HADHA: variants seen among roughly 807,000 people sequenced by gnomAD.
HADHA encodes the protein hydroxyacyl-CoA dehydrogenase trifunctional multienzyme complex subunit alpha, also known as trifunctional enzyme subunit alpha, mitochondrial.
In HADHA, 59 loss-of-function variants were observed where a neutral mutation model predicts 91.3. The observed-to-expected ratio is 0.65, with a 90% CI of 0.52 to 0.80. The LOEUF is 0.80. Among genes scored for constraint, HADHA ranks in the 30% least tolerant of loss-of-function variants. The pLI is 0.00. For missense variants in HADHA, 800 were observed against 927.6 expected (o/e 0.86, Z 1.79); for synonymous variants, 320 against 338.9 (o/e 0.94, Z 0.61).
intron 7 of HADHA, among the ~76,000 whole-genome samples, chr2:26,216,487 A>T (rs1336688809): frequency 6.6e-6 from 1 of 151,590 alleles, no homozygotes; most frequent in Non-Finnish European, 1.5e-5. Flanking sequence ...TGCCCAGCTA[A>T]ATTTTCTATT....
At chr2:26,228,338 T>C (rs916045037) in intron 7 of HADHA, among the ~76,000 whole-genome samples, 3 of 151,834 alleles carry the variant, frequency 2.0e-5, no homozygotes, top group Non-Finnish European at 4.4e-5. Context: ...GCCATGTTGG[T>C]CAGGCTGGTG....
intron 13 of HADHA, 39 bp downstream of exon 13, chr2:26,201,110 C>T (rs1669820984): frequency 1.4e-6 from 2 of 1,476,674 alleles, no homozygotes; most frequent in East Asian, 2.3e-5. Context: ...GTTTTCTGTT[C>T]ACTACACTAG....
At chr2:26,237,503 T>C (rs1275388391) in intron 3 of HADHA, among the ~76,000 whole-genome samples, 1 of 152,070 alleles carries the variant, frequency 6.6e-6, no homozygotes, top group African/African-American at 2.4e-5. Flanking sequence ...AGCACACGCC[T>C]ATAGTCCCAG....
At chr2:26,243,263 T>G (rs1466364900) in intron 1 of HADHA, 3 of 152,208 alleles carry the variant, frequency 2.0e-5, no homozygotes, top group East Asian at 3.9e-4. Flanking sequence ...TTCAAACCAA[T>G]GCAGGGGTAA....
chr2:26,214,391 C>G lies in HADHA; in HGVS notation c.918+52G>C. On this transcript the variant is annotated intron_variant, in intron 9 of 19. Coordinates refer to ENST00000380649, the MANE Select transcript of HADHA (RefSeq NM_000182.5). The surrounding 1 kb of genome is among the most constrained non-coding windows in gnomAD (Gnocchi z 4.1). ...CAGAATGGCAATAAGGAGGAGTGATCTATATAAAGGAAGGAAATATGAGAA... is the reference window on the plus strand; with the variant it reads ...CAGAATGGCAATAAGGAGGAGTGATGTATATAAAGGAAGGAAATATGAGAA... 1 of 869,060 alleles carries G rather than the reference C, an allele frequency of 1.2e-6. No homozygotes were observed. Among genetic ancestry groups the G allele is most frequent in the Non-Finnish European group, 2.0e-6 (1 of 500,772 alleles). The allele number at this position is 869,060 out of a possible 1,614,324, so 53.8% of individuals were successfully genotyped here.
At chr2:26,211,494 T>C (rs1670099982) in intron 10 of HADHA, among the ~76,000 whole-genome samples, 1 of 152,272 alleles carries the variant, frequency 6.6e-6, no homozygotes, top group African/African-American at 2.4e-5. Context: ...ATGTGAAAAA[T>C]TATTAAAAAT....
intron 10 of HADHA, chr2:26,212,241 C>T: frequency 2.8e-6 from 1 of 360,416 alleles, no homozygotes; most frequent in Non-Finnish European, 5.4e-6. Context: ...TGCATGCCAC[C>T]ATGCCTGGCT....
At position 26,232,284 on chromosome 2, in the gene HADHA, G is replaced by A. The variant is rs1042817291; in HGVS notation, c.454-5C>T. 6 of 1,591,096 alleles carry A rather than the reference G, an allele frequency of 3.8e-6. No individual in the cohort carries two copies. The African/African-American group carries it at 4.0e-5, about 11-fold the overall frequency. ...GTATTGGCATGAAATGGCAACCTTTGAACAAATGAAAGAAAATTAGAATGT... is the reference window on the plus strand; with the variant it reads ...GTATTGGCATGAAATGGCAACCTTTAAACAAATGAAAGAAAATTAGAATGT... On this transcript the variant is annotated splice_polypyrimidine_tract_variant and splice_region_variant and intron_variant, in intron 5 of 19. Coordinates refer to ENST00000380649, the MANE Select transcript of HADHA (RefSeq NM_000182.5).
rs150850348 is a variant in HADHA, at chr2:26,192,421, C to T, written c.1889G>A (p.Arg630His). ...GATGTAAAAGCCCTTCCCAGATTTACGACCTAAAACAGGCAAGAAAAGGGA... is the reference window on the plus strand; with the variant it reads ...GATGTAAAAGCCCTTCCCAGATTTATGACCTAAAACAGGCAAGAAAAGGGA... ...TQMVSKGFLG[R>H]KSGKGFYIYQ... Residue 630 changes from arginine to histidine, a missense_variant, in exon 18 of 20, where the codon CGT becomes CAT. Coordinates refer to ENST00000380649, the MANE Select transcript of HADHA (RefSeq NM_000182.5). The T allele has an allele frequency of 1.1e-5, 16 of 1,514,180 alleles. No individual in the cohort carries two copies. The highest frequency in any genetic ancestry group is 1.7e-4 in the Middle Eastern group (1 of 5,896). 93.8% of individuals were successfully genotyped at this position (1,514,180 alleles called of 1,614,324 possible).
intron 13 of HADHA, among the ~76,000 whole-genome samples, chr2:26,200,197 T>G (rs948344792): frequency 6.6e-6 from 1 of 152,216 alleles, no homozygotes; most frequent in African/African-American, 2.4e-5. Flanking sequence ...GTACTCTTAT[T>G]TTTTGTAATG....
intron 4 of HADHA, among the ~76,000 whole-genome samples, chr2:26,236,359 G>GTGTGTGTATA (rs141555532): frequency 2.1e-4 from 29 of 137,926 alleles, no homozygotes; most frequent in South Asian, 1.2e-3. Context: ...GTGTGTGTGT[G>GTGTGTGTATA]TATATATATA....
chr2:26,230,484 A>G (rs1028302947), intron 6 of HADHA, among the ~76,000 whole-genome samples, 190 bp from the exon 7 acceptor site: 4 of 152,232 alleles, frequency 2.6e-5, no homozygotes, highest in Non-Finnish European at 5.9e-5. Context: ...TGGGGATTAG[A>G]TACCTCTAGC....
Position 26,191,376 on chromosome 2 carries a change from A to C in HADHA, c.2166T>G (p.Asp722Glu). 1.9e-6 allele frequency: 3 copies of C among 1,614,212 alleles called. No homozygotes were observed. Among genetic ancestry groups the C allele is most frequent in the Non-Finnish European group, 2.5e-6 (3 of 1,180,048 alleles). ...CCACTATCTTCTGGGCGCCATACAG[A>C]TCCACAAAGCGGAAAGGCCCTGAAT... ...PCLGGPFRFV[D>E]LYGAQKIVDR... is the part of the protein sequence containing the mutation. Residue 722 changes from aspartate (D) to glutamate (E), a missense_variant, in exon 20 of 20, where the codon GAT becomes GAG. Physicochemically the swap from Asp to Glu is conservative, Grantham distance 45. Transcript: ENST00000380649.
chr2:26,194,974 G>GA, intron 15 of HADHA, 118 bp downstream of exon 15: 3 of 939,024 alleles, frequency 3.2e-6, no homozygotes, highest in South Asian at 2.6e-5. Flanking sequence ...CAACCCAGGG[G>GA]AAAATCATAT....
intron 4 of HADHA, among the ~76,000 whole-genome samples, chr2:26,236,207 CA>C (rs1670747639): frequency 6.6e-6 from 1 of 152,058 alleles, no homozygotes; most frequent in Non-Finnish European, 1.5e-5. Context: ...GAATAGTCCA[CA>C]TTTTACTTAC....
chr2:26,207,057 G>A (rs1428436056), intron 11 of HADHA, among the ~76,000 whole-genome samples: 1 of 152,152 alleles, frequency 6.6e-6, no homozygotes, highest in South Asian at 2.1e-4. Flanking sequence ...AATGAGCCGG[G>A]TGTGGTGGTA....
At position 26,214,622 on chromosome 2, in the gene HADHA, A is replaced by AG; in HGVS notation, c.800-62_800-61insC. On this transcript the variant is annotated intron_variant, in intron 8 of 19. Coordinates refer to ENST00000380649, the MANE Select transcript of HADHA (RefSeq NM_000182.5). The surrounding 1 kb of genome is among the most constrained non-coding windows in gnomAD (Gnocchi z 4.1). Reference sequence around the variant, plus strand: ...AGAGCCTAGATTCCCTTGTTAGTTTATGCTCTAAACTCTATAAAAATGAAG... The same window carrying AG: ...AGAGCCTAGATTCCCTTGTTAGTTTAGTGCTCTAAACTCTATAAAAATGAAG... The AG allele has an allele frequency of 1.1e-6, 1 of 895,840 alleles. No individual in the cohort carries two copies. The highest frequency in any genetic ancestry group is 1.6e-5 in the African/African-American group (1 of 61,484). The allele number at this position is 895,840 out of a possible 1,614,324, so 55.5% of individuals were successfully genotyped here.
intron 16 of HADHA, among the ~76,000 whole-genome samples, chr2:26,194,181 C>T (rs929383719): frequency 1.3e-5 from 2 of 152,184 alleles, no homozygotes; most frequent in Non-Finnish European, 2.9e-5. Flanking sequence ...CCTCTCCTTT[C>T]CTGCCAGAAT....
Position 26,230,270 on chromosome 2 carries a change from T to C in HADHA, c.598A>G (p.Met200Val), listed in dbSNP as rs763959595. ...CGAATGCTTCTACCAGTCAGCATCA[T>C]GTCCAAAGCAGCAGGCACACCCACC... The part of the protein sequence containing the change: ...KMVGVPAALD[M>V]MLTGRSIRAD... The change falls in exon 7 of 20, where the codon ATG (methionine) becomes GTG (valine). Residue 200 changes from methionine to valine, a missense_variant. Transcript: ENST00000380649. 6.2e-7 allele frequency: 1 copy of C among 1,613,486 alleles called. No homozygotes were observed. The highest frequency in any genetic ancestry group is 1.1e-5 in the South Asian group (1 of 91,064).
Sources: gnomAD v4.1 joint callset for allele counts (sites outside exome capture counted in the v4.1 genomes callset) on GRCh38, gnomAD v4.1.1 for gene constraint, Gnocchi (gnomAD v3.1) non-coding constraint, MANE v1.5 for transcripts, NCBI Gene and HGNC (gene_info 2026-07-23, HGNC 2026-07-21) for gene names.